The following RAD54L2 variants were observed in gnomAD, a reference collection of about 807,000 sequenced individuals.
RAD54L2 encodes RAD54 like 2.
A neutral mutation model predicts 138.4 loss-of-function variants in RAD54L2; 27 were observed. The ratio of observed to expected loss-of-function variants is 0.20; its 90% CI spans 0.14 to 0.27. RAD54L2 has a LOEUF of 0.27. RAD54L2 is among the 10% of genes least tolerant of loss of function. The pLI is 1.00. For missense variants in RAD54L2, 1,396 were observed against 1,890.2 expected, an observed-to-expected ratio of 0.74 and a Z score of 4.85; for synonymous variants, 644 against 723.2, an observed-to-expected ratio of 0.89 and a Z score of 1.76.
intron 2 of RAD54L2, among the ~76,000 whole-genome samples, chr3:51,570,050 C>T (rs1368758875): frequency 6.6e-6 from 1 of 151,274 alleles, no homozygotes; most frequent in Non-Finnish European, 1.5e-5. Flanking sequence ...CCAGGCTGTT[C>T]TCAAACTCCT....
intron 5 of RAD54L2, 112 bp downstream of exon 5, chr3:51,629,585 G>A (rs1016782463): frequency 1.0e-5 from 14 of 1,363,570 alleles, no homozygotes; most frequent in African/African-American, 1.5e-5. Context: ...TCGGCTGGGC[G>A]CGGTGGCTCA....
chr3:51,617,333 T>C (rs1372568466), intron 3 of RAD54L2, among the ~76,000 whole-genome samples: 2 of 152,388 alleles, frequency 1.3e-5, no homozygotes, highest in Admixed American at 6.5e-5. Flanking sequence ...CACTCTTTAC[T>C]CCTGCCAGCA....
chr3:51,625,777 G>A (rs894924221), intron 3 of RAD54L2, among the ~76,000 whole-genome samples: 2 of 152,040 alleles, frequency 1.3e-5, no homozygotes, highest in Admixed American at 6.6e-5. Flanking sequence ...CTGGGAGATC[G>A]TTTGAGTCCA....
At chr3:51,628,931 G>A (rs965507847) in intron 4 of RAD54L2, among the ~76,000 whole-genome samples, 1 of 151,728 alleles carries the variant, frequency 6.6e-6, no homozygotes, top group Non-Finnish European at 1.5e-5. Flanking sequence ...AGCCAGACTG[G>A]TCTCGAACTC....
chr3:51,560,832 C>T (rs1376826713), intron 2 of RAD54L2, among the ~76,000 whole-genome samples: 1 of 152,074 alleles, frequency 6.6e-6, no homozygotes, highest in Non-Finnish European at 1.5e-5. Flanking sequence ...ATTTATATTC[C>T]TTCACCACTT....
At chr3:51,542,469 G>A (rs1349825790) in intron 2 of RAD54L2, among the ~76,000 whole-genome samples, 2 of 150,140 alleles carry the variant, frequency 1.3e-5, no homozygotes, top group Admixed American at 6.6e-5. Flanking sequence ...TTTTTGAGAC[G>A]GAGTCTTGCT....
At chr3:51,652,196 G>A (rs942993078) in intron 19 of RAD54L2, among the ~76,000 whole-genome samples, 1 of 152,070 alleles carries the variant, frequency 6.6e-6, no homozygotes. Flanking sequence ...GCTTCAAAGA[G>A]AATAAAATAC....
intron 19 of RAD54L2, among the ~76,000 whole-genome samples, chr3:51,649,078 A>G (rs1701361165): frequency 2.0e-5 from 3 of 152,118 alleles, no homozygotes; most frequent in African/African-American, 7.2e-5. Context: ...CAAATGGCTA[A>G]CTAGAATAAA....
At chr3:51,636,004 C>T (rs1338409137) in intron 10 of RAD54L2, among the ~76,000 whole-genome samples, 1 of 152,180 alleles carries the variant, frequency 6.6e-6, no homozygotes, top group East Asian at 1.9e-4. Flanking sequence ...TTAGGCCAGG[C>T]CACACACTGG....
rs1011969330 is a variant in RAD54L2, at chr3:51,662,933, C to T, written c.3917C>T (p.Thr1306Ile). 2 of 1,613,836 alleles carry T rather than the reference C, an allele frequency of 1.2e-6. No individual in the cohort carries two copies. The highest frequency in any genetic ancestry group is 1.7e-5 in the Admixed American group (1 of 60,020). The change falls in exon 23 of 23, where the codon ACC becomes ATC. Residue 1306 changes from threonine (T) to isoleucine (I), a missense_variant. Coordinates refer to ENST00000684192, the MANE Select transcript of RAD54L2 (RefSeq NM_015106.4). The surrounding 1 kb of genome is among the most constrained non-coding windows in gnomAD (Gnocchi z 4.6). Reference protein sequence around the residue: ...MPPVSLNHNLTTPFTSQAGEN... With the variant: ...MPPVSLNHNLITPFTSQAGEN... ...CCCGTCTCCTTAAACCATAACCTCA[C>T]CACCCCCTTCACCTCCCAGGCTGGG...
chr3:51,640,562 C>T (rs1428053734), intron 14 of RAD54L2, among the ~76,000 whole-genome samples: 1 of 152,184 alleles, frequency 6.6e-6, no homozygotes, highest in Non-Finnish European at 1.5e-5. Context: ...TATAATCTGA[C>T]CAGATTATGC....
At chr3:51,542,691 C>T (rs1167724877) in intron 2 of RAD54L2, among the ~76,000 whole-genome samples, 1 of 152,168 alleles carries the variant, frequency 6.6e-6, no homozygotes, top group Non-Finnish European at 1.5e-5. Flanking sequence ...TCTCGATCTA[C>T]TGACCTCGTG....
At chr3:51,652,237 G>GTTTTCTTGA (rs1272159261) in intron 19 of RAD54L2, among the ~76,000 whole-genome samples, 4 of 152,086 alleles carry the variant, frequency 2.6e-5, no homozygotes, top group Admixed American at 6.6e-5. Context: ...GGATGTGAAG[G>GTTTTCTTGA]ACCTCTTCAA....
At chr3:51,630,077 T>G (rs1296265983) in intron 5 of RAD54L2, among the ~76,000 whole-genome samples, 195 bp from the exon 6 acceptor site, 2 of 152,158 alleles carry the variant, frequency 1.3e-5, no homozygotes, top group Non-Finnish European at 2.9e-5. Flanking sequence ...GTCAGGTGGA[T>G]AGCAGGAAGG....
At chr3:51,608,431 C>T (rs369434625) in intron 3 of RAD54L2, among the ~76,000 whole-genome samples, 1,537 of 152,166 alleles carry the variant, frequency 0.01, 26 homozygotes, top group African/African-American at 0.035. Flanking sequence ...GGGTGGCGGC[C>T]GGGCAGAGGC....
intron 3 of RAD54L2, among the ~76,000 whole-genome samples, chr3:51,614,519 CTT>C (rs146602107): frequency 4.8e-5 from 7 of 144,538 alleles, no homozygotes; most frequent in Non-Finnish European, 6.1e-5. Flanking sequence ...TCTCAGATCT[CTT>C]TTTTTTTTTT....
At position 51,657,456 on chromosome 3, in the gene RAD54L2, T is replaced by C. The variant is rs1701631347; in HGVS notation, c.3227-124T>C. On this transcript the variant is annotated intron_variant, in intron 20 of 22. Transcript: ENST00000684192. ...TTCACCTTCCTTGGTTCTGGACCTCTGCCCCACTGAGAGGCTGTAGGGAAA... is the reference window on the plus strand; with the variant it reads ...TTCACCTTCCTTGGTTCTGGACCTCCGCCCCACTGAGAGGCTGTAGGGAAA... 5 of 594,254 alleles carry C rather than the reference T, an allele frequency of 8.4e-6. No individual in the cohort carries two copies. The East Asian group carries it at 9.0e-5, about 11-fold the overall frequency. The allele number at this position is 594,254 out of a possible 1,614,324, so 36.8% of individuals were successfully genotyped here. A position where few individuals can be genotyped will look rare whatever the true frequency, so the allele number is the denominator to read the frequency against.
In RAD54L2 at chr3:51,664,086, GT is replaced by G. The variant is rs1243968713; in HGVS notation, c.*667del. On this transcript the variant is annotated 3_prime_UTR_variant, in exon 23 of 23. Coordinates refer to ENST00000684192, the MANE Select transcript of RAD54L2 (RefSeq NM_015106.4). ...CTTTCTTTAAATGGAAGTCAGTTTGGTGGTTCATGGCACCTAGTGTGAACAT... is the reference window on the plus strand; with the variant it reads ...CTTTCTTTAAATGGAAGTCAGTTTGGGGTTCATGGCACCTAGTGTGAACAT... 1 of 152,232 alleles carries G rather than the reference GT, an allele frequency of 6.6e-6. No individual in the cohort carries two copies. The highest frequency in any genetic ancestry group is 1.5e-5 in the Non-Finnish European group (1 of 68,078). 9.4% of individuals were successfully genotyped at this position (152,232 alleles called of 1,614,324 possible).
chr3:51,554,832 A>ATTTCT (rs912478048), intron 2 of RAD54L2, among the ~76,000 whole-genome samples: 18 of 151,802 alleles, frequency 1.2e-4, no homozygotes, highest in Middle Eastern at 3.4e-3. Flanking sequence ...TCAGACCCTC[A>ATTTCT]TTTCTTTTCT....
Sources: gnomAD v4.1 joint callset for allele counts (sites outside exome capture counted in the v4.1 genomes callset) on GRCh38, gnomAD v4.1.1 for gene constraint, Gnocchi (gnomAD v3.1) non-coding constraint, MANE v1.5 for transcripts, NCBI Gene and HGNC (gene_info 2026-07-23, HGNC 2026-07-21) for gene names.